LRRC4C: variants seen among roughly 807,000 people sequenced by gnomAD.
LRRC4C encodes leucine-rich repeat-containing protein 4C.
LRRC4C carries 5 observed loss-of-function variants against 33.6 expected under a neutral mutation model. That is an observed-to-expected ratio of 0.15 (90% CI 0.08 to 0.31). The LOEUF is 0.31. Among genes scored for constraint, LRRC4C ranks in the 10% least tolerant of loss-of-function variants. The probability of loss-of-function intolerance (pLI) is 1.00; values close to 1 mark genes in which losing one functional copy is unlikely to be tolerated. For missense variants in LRRC4C, 560 were observed against 796.7 expected (o/e 0.70, Z 3.58); for synonymous variants, 329 against 302.0 (o/e 1.09, Z -0.93).
intron 1 of LRRC4C, among the ~76,000 whole-genome samples, chr11:41,035,888 G>C (rs2137894244): frequency 6.6e-6 from 1 of 152,134 alleles, no homozygotes; most frequent in African/African-American, 2.4e-5. Flanking sequence ...TAGGCAGAAA[G>C]ACAAAATATT....
intron 2 of LRRC4C, among the ~76,000 whole-genome samples, chr11:40,720,458 T>C (rs1946955057): frequency 6.6e-6 from 1 of 152,200 alleles, no homozygotes; most frequent in Admixed American, 6.5e-5. Context: ...ACTTGATCTT[T>C]GCCATCAAGT....
At chr11:40,914,531 AT>A (rs1956855386) in intron 2 of LRRC4C, among the ~76,000 whole-genome samples, 1 of 152,224 alleles carries the variant, frequency 6.6e-6, no homozygotes, top group African/African-American at 2.4e-5. Flanking sequence ...TAAATTAGGT[AT>A]TGATGGGACA....
intron 2 of LRRC4C, among the ~76,000 whole-genome samples, chr11:40,813,165 A>T (rs1951564647): frequency 6.6e-6 from 1 of 152,202 alleles, no homozygotes; most frequent in African/African-American, 2.4e-5. Flanking sequence ...AACCCATAGC[A>T]GAATTCCTTC....
intron 3 of LRRC4C, among the ~76,000 whole-genome samples, chr11:40,486,051 T>TTAAC (rs1430491787): frequency 6.6e-6 from 1 of 151,636 alleles, no homozygotes; most frequent in Middle Eastern, 3.4e-3. Flanking sequence ...AGTACTAGGC[T>TTAAC]TAACACCTGG....
chr11:41,392,477 C>G (rs769397589), intron 1 of LRRC4C, among the ~76,000 whole-genome samples: 1 of 151,380 alleles, frequency 6.6e-6, no homozygotes, highest in East Asian at 2.0e-4. Context: ...AATAAGCCTT[C>G]TTTGGTACTT....
At chr11:41,319,427 T>C (rs1231411872) in intron 1 of LRRC4C, among the ~76,000 whole-genome samples, 2 of 152,132 alleles carry the variant, frequency 1.3e-5, no homozygotes, top group African/African-American at 2.4e-5. Flanking sequence ...TGGAAGAAAA[T>C]GGTCTTTCCA....
chr11:40,833,349 AT>A (rs532215602), intron 2 of LRRC4C, among the ~76,000 whole-genome samples: 3 of 152,098 alleles, frequency 2.0e-5, no homozygotes, highest in Non-Finnish European at 4.4e-5. Context: ...TAAAATGTAA[AT>A]TTTTTTCCAG....
At chr11:40,346,362 T>C (rs557994745) in intron 3 of LRRC4C, among the ~76,000 whole-genome samples, 1 of 152,288 alleles carries the variant, frequency 6.6e-6, no homozygotes, top group Admixed American at 6.5e-5. Context: ...TAGAATACTG[T>C]GCAGCCATAA....
At chr11:40,375,793 C>T (rs941606889) in intron 3 of LRRC4C, among the ~76,000 whole-genome samples, 2 of 152,056 alleles carry the variant, frequency 1.3e-5, no homozygotes, top group African/African-American at 2.4e-5. Context: ...TGGGAGTAGA[C>T]AGACAGGCTA....
At chr11:41,264,178 G>A (rs966890221) in intron 1 of LRRC4C, among the ~76,000 whole-genome samples, 4 of 148,866 alleles carry the variant, frequency 2.7e-5, no homozygotes, top group South Asian at 2.1e-4. Context: ...TGCAACCTCC[G>A]CCTCCTGGGT....
At chr11:40,387,618 G>A (rs1028960253) in intron 3 of LRRC4C, among the ~76,000 whole-genome samples, 1 of 152,128 alleles carries the variant, frequency 6.6e-6, no homozygotes, top group Non-Finnish European at 1.5e-5. Flanking sequence ...AGCAAACCTA[G>A]GATCATTTAT....
At chr11:41,157,779 T>C (rs1298568841) in intron 1 of LRRC4C, among the ~76,000 whole-genome samples, 1 of 152,124 alleles carries the variant, frequency 6.6e-6, no homozygotes, top group African/African-American at 2.4e-5. Context: ...TGTGGGTATA[T>C]AGTAGGTGTG....
intron 1 of LRRC4C, among the ~76,000 whole-genome samples, chr11:41,209,626 C>T (rs1439953147): frequency 1.4e-5 from 2 of 140,904 alleles, no homozygotes; most frequent in African/African-American, 2.7e-5. Context: ...GCCTGGGCAA[C>T]AGAGTGAGAC....
At chr11:40,698,309 G>C (rs1945683211) in intron 2 of LRRC4C, among the ~76,000 whole-genome samples, 1 of 152,002 alleles carries the variant, frequency 6.6e-6, no homozygotes, top group Admixed American at 6.6e-5. Flanking sequence ...CTCATTAATA[G>C]AATTTACATT....
At chr11:40,588,250 T>C (rs1308915784) in intron 3 of LRRC4C, among the ~76,000 whole-genome samples, 2 of 150,962 alleles carry the variant, frequency 1.3e-5, no homozygotes, top group Non-Finnish European at 3.0e-5. Flanking sequence ...CTAGATTTTC[T>C]AGTTTATTTG....
chr11:41,448,614 C>A (rs1955918116), intron 1 of LRRC4C, among the ~76,000 whole-genome samples: 1 of 152,070 alleles, frequency 6.6e-6, no homozygotes, highest in African/African-American at 2.4e-5. Context: ...CTACATAGAG[C>A]TTTAAACTTT....
chr11:40,153,832 T>C (rs374781881), intron 5 of LRRC4C, among the ~76,000 whole-genome samples: 1 of 152,166 alleles, frequency 6.6e-6, no homozygotes, highest in African/African-American at 2.4e-5. Context: ...TCAGTGTTCC[T>C]GAGGAAGAAG....
chr11:40,883,679 CT>C (rs886276976), intron 2 of LRRC4C, among the ~76,000 whole-genome samples: 7 of 151,824 alleles, frequency 4.6e-5, no homozygotes, highest in East Asian at 1.9e-4. Flanking sequence ...ATAAGTCATG[CT>C]TTTTTTCTTT....
At chr11:41,193,922 A>C (rs1010280892) in intron 1 of LRRC4C, among the ~76,000 whole-genome samples, 5 of 152,000 alleles carry the variant, frequency 3.3e-5, no homozygotes, top group African/African-American at 4.8e-5. Context: ...AAAAGAGAGA[A>C]ATTGTGATTT....
Sources: allele counts gnomAD v4.1 joint callset (sites outside exome capture counted in the v4.1 genomes callset), GRCh38; gene constraint gnomAD v4.1.1; transcripts MANE v1.5; gene names NCBI Gene and HGNC (gene_info 2026-07-23, HGNC 2026-07-21).